The following TASP1 variants were observed in gnomAD, a reference collection of about 807,000 sequenced individuals.
The protein encoded by TASP1 is threonine aspartase 1.
TASP1 carries 16 observed loss-of-function variants against 56.6 expected under a neutral mutation model. That is an observed-to-expected ratio of 0.28 (90% CI 0.19 to 0.43). TASP1 has a LOEUF of 0.43. TASP1 is among the 20% of genes least tolerant of loss of function. TASP1 has a pLI of 1.00. For synonymous variants in TASP1, 179 were observed against 184.2 expected (o/e 0.97, Z 0.23); for missense variants, 393 against 511.6 (o/e 0.77, Z 2.24).
At chr20:13,357,556 G>T in the TASP1 span, among the ~76,000 whole-genome samples, 1 of 152,152 alleles carries the variant, frequency 6.6e-6, no homozygotes, top group Non-Finnish European at 1.5e-5. Flanking sequence ...GATAAAAATG[G>T]AAGATCAATT....
the TASP1 span, among the ~76,000 whole-genome samples, chr20:13,126,027 C>A: frequency 6.6e-6 from 1 of 152,180 alleles, no homozygotes; most frequent in Non-Finnish European, 1.5e-5. Flanking sequence ...TCCACGTTTT[C>A]TTTTCCCCCT....
the TASP1 span, among the ~76,000 whole-genome samples, chr20:13,158,083 T>C: frequency 6.6e-6 from 1 of 152,352 alleles, no homozygotes; most frequent in South Asian, 2.1e-4. Flanking sequence ...TATATTGTAT[T>C]TGGTACTTGG....
At chr20:13,258,142 C>T in the TASP1 span, among the ~76,000 whole-genome samples, 1 of 152,176 alleles carries the variant, frequency 6.6e-6, no homozygotes, top group East Asian at 1.9e-4. Context: ...CCGTTTACCT[C>T]TCTCAATCCA....
At chr20:13,320,165 G>A in the TASP1 span, among the ~76,000 whole-genome samples, 1 of 152,218 alleles carries the variant, frequency 6.6e-6, no homozygotes, top group African/African-American at 2.4e-5. Flanking sequence ...ACCCTGCTGA[G>A]GGGCTCATGG....
At chr20:13,542,078 T>C (rs540853457) in intron 8 of TASP1, among the ~76,000 whole-genome samples, 4 of 150,658 alleles carry the variant, frequency 2.7e-5, no homozygotes, top group South Asian at 2.1e-4. Flanking sequence ...AAAATAATAA[T>C]GTCTTATTGA....
At chr20:13,509,935 T>C (rs1027494609) in intron 10 of TASP1, among the ~76,000 whole-genome samples, 10 of 152,272 alleles carry the variant, frequency 6.6e-5, no homozygotes, top group Non-Finnish European at 1.2e-4. Context: ...CTTGTAATTC[T>C]TGTTGTAGAG....
intron 11 of TASP1, among the ~76,000 whole-genome samples, chr20:13,457,062 A>C (rs942609747): frequency 1.3e-5 from 2 of 152,016 alleles, no homozygotes; most frequent in Non-Finnish European, 2.9e-5. Flanking sequence ...ATAGGTGGGA[A>C]CTGAACAATG....
rs115614824 is a variant in TASP1, at chr20:13,608,508, A to G, written c.282+14938T>C. On this transcript the variant is annotated intron_variant, in intron 4 of 13. Transcript: ENST00000337743. ...CCTCGTGGGCCACATAGACAATGCT[A>G]CAACTACTGAGCTCTGCCACTGTAG... 7.0e-3 allele frequency among the ~76,000 whole-genome samples: 1,071 copies of G among 152,376 alleles called. 12 individuals are homozygous for G. Among genetic ancestry groups the G allele is most frequent in the African/African-American group, 0.024 (1,013 of 41,588 alleles).
At chr20:13,362,305 G>T in the TASP1 span, among the ~76,000 whole-genome samples, 3 of 151,846 alleles carry the variant, frequency 2.0e-5, no homozygotes, top group Admixed American at 2.0e-4. Flanking sequence ...TGCCCAGATG[G>T]CCTGAAGTAA....
the TASP1 span, chr20:13,166,863 C>T: frequency 6.6e-6 from 1 of 152,160 alleles, no homozygotes; most frequent in Admixed American, 6.5e-5. Flanking sequence ...ACTATTATTA[C>T]TTTCATGGAG....
the TASP1 span, among the ~76,000 whole-genome samples, chr20:13,362,808 A>AAT: frequency 0.027 from 3,060 of 114,748 alleles, 141 homozygotes; most frequent in South Asian, 0.11. Context: ...AATAGCAAGA[A>AAT]ATATATATAT....
chr20:13,219,184 G>T, the TASP1 span, among the ~76,000 whole-genome samples: 2 of 152,150 alleles, frequency 1.3e-5, no homozygotes, highest in African/African-American at 4.8e-5. Context: ...CTGGCAATAG[G>T]AAAGTCATTT....
the TASP1 span, among the ~76,000 whole-genome samples, chr20:13,228,705 A>C: frequency 6.6e-6 from 1 of 152,180 alleles, no homozygotes; most frequent in South Asian, 2.1e-4. Flanking sequence ...AGCTTGAAAA[A>C]ATTTCTTTAG....
the TASP1 span, among the ~76,000 whole-genome samples, chr20:13,210,042 A>C: frequency 9.9e-5 from 15 of 152,262 alleles, 1 homozygote; most frequent in Middle Eastern, 3.4e-3. Flanking sequence ...AACTCTCATC[A>C]CCTTAGATTA....
the TASP1 span, among the ~76,000 whole-genome samples, chr20:13,345,068 A>G: frequency 6.6e-6 from 1 of 152,082 alleles, no homozygotes; most frequent in Non-Finnish European, 1.5e-5. Context: ...CTGGATGCCT[A>G]GAAACATCAA....
chr20:13,383,328 G>A, the TASP1 span, among the ~76,000 whole-genome samples: 1 of 152,160 alleles, frequency 6.6e-6, no homozygotes, highest in Non-Finnish European at 1.5e-5. Flanking sequence ...GAGGTGGTAA[G>A]GAGCAGTTAG....
At chr20:13,431,315 C>T (rs893448960) in intron 12 of TASP1, among the ~76,000 whole-genome samples, 4 of 152,028 alleles carry the variant, frequency 2.6e-5, no homozygotes, top group African/African-American at 9.7e-5. Context: ...AATTTATAGC[C>T]TGATTTGGAG....
At chr20:13,555,864 C>A (rs6109943) in intron 8 of TASP1, among the ~76,000 whole-genome samples, 1 of 152,062 alleles carries the variant, frequency 6.6e-6, no homozygotes, top group Non-Finnish European at 1.5e-5. Context: ...ACTTGAAAAT[C>A]GAAATTACCC....
chr20:13,372,168 T>C, the TASP1 span, among the ~76,000 whole-genome samples: 1 of 152,218 alleles, frequency 6.6e-6, no homozygotes, highest in Admixed American at 6.5e-5. Flanking sequence ...ATGTGTCAAC[T>C]TGGAGGGTGT....
Sources: gnomAD v4.1 joint callset for allele counts (sites outside exome capture counted in the v4.1 genomes callset) on GRCh38, gnomAD v4.1.1 for gene constraint, MANE v1.5 for transcripts, NCBI Gene and HGNC (gene_info 2026-07-23, HGNC 2026-07-21) for gene names.